The following UXS1 variants were observed in gnomAD, a reference collection of about 807,000 sequenced individuals.
UXS1 encodes UDP-glucuronic acid decarboxylase 1.
UXS1 carries 33 observed loss-of-function variants against 62.6 expected under a neutral mutation model. The ratio of observed to expected loss-of-function variants is 0.53; its 90% confidence interval spans 0.40 to 0.70. UXS1 has a LOEUF of 0.70. UXS1 is among the 30% of genes least tolerant of loss of function. The pLI, the probability that UXS1 is intolerant of heterozygous loss-of-function variation, is 0.00. For synonymous variants in UXS1, 213 were observed against 206.8 expected (o/e 1.03, Z -0.26); for missense variants, 434 against 556.3 (o/e 0.78, Z 2.21).
At chr2:106,177,672 G>A (rs569306357) in intron 1 of UXS1, among the ~76,000 whole-genome samples, 3 of 152,308 alleles carry the variant, frequency 2.0e-5, no homozygotes, top group East Asian at 1.9e-4. Flanking sequence ...AGGACACTGC[G>A]AGAAGGCGCC....
intron 12 of UXS1, among the ~76,000 whole-genome samples, chr2:106,100,101 G>T (rs1289033790): frequency 6.6e-6 from 1 of 152,210 alleles, no homozygotes; most frequent in East Asian, 1.9e-4. Flanking sequence ...TAATTTGGGA[G>T]AAGCACCTGA....
chr2:106,186,817 C>CA (rs1277811837), intron 1 of UXS1, among the ~76,000 whole-genome samples: 3 of 150,206 alleles, frequency 2.0e-5, no homozygotes, highest in Admixed American at 2.0e-4. Context: ...AACCCTGTCT[C>CA]AAAAAAACAG....
intron 7 of UXS1, among the ~76,000 whole-genome samples, chr2:106,128,437 T>G (rs552890314): frequency 1.3e-5 from 2 of 152,276 alleles, no homozygotes; most frequent in South Asian, 4.1e-4. Context: ...TGAAGGTGTT[T>G]CCGGAAGAGA....
chr2:106,096,975 G>GAAAACC, intron 13 of UXS1, 154 bp from the exon 14 acceptor site: 1 of 788,536 alleles, frequency 1.3e-6, no homozygotes. Context: ...GAGCTCCCGA[G>GAAAACC]GGACTGTTCT....
chr2:106,122,547 A>G (rs1316174991), intron 9 of UXS1, among the ~76,000 whole-genome samples: 1 of 152,256 alleles, frequency 6.6e-6, no homozygotes, highest in African/African-American at 2.4e-5. Flanking sequence ...AGAAAGCATG[A>G]AATAACAGTA....
chr2:106,150,093 A>G (rs1480223597), intron 5 of UXS1, among the ~76,000 whole-genome samples: 1 of 152,244 alleles, frequency 6.6e-6, no homozygotes, highest in East Asian at 1.9e-4. Flanking sequence ...CAAAATTTAC[A>G]AGCCATGAGC....
chr2:106,168,558 G>C (rs1451429703), intron 1 of UXS1, among the ~76,000 whole-genome samples: 1 of 152,110 alleles, frequency 6.6e-6, no homozygotes, highest in Non-Finnish European at 1.5e-5. Flanking sequence ...CCTCTCTTGG[G>C]GTCCGGATCG....
chr2:106,181,555 CTA>C (rs1441309176), intron 1 of UXS1, among the ~76,000 whole-genome samples: 1 of 151,984 alleles, frequency 6.6e-6, no homozygotes, highest in Admixed American at 6.6e-5. Flanking sequence ...CCTGTCTCAA[CTA>C]AAATACAAAA....
intron 6 of UXS1, among the ~76,000 whole-genome samples, chr2:106,144,725 G>T (rs555090794): frequency 6.6e-6 from 1 of 152,110 alleles, no homozygotes; most frequent in African/African-American, 2.4e-5. Context: ...GCATCTTCTC[G>T]CCACGTCCTC....
At chr2:106,173,068 C>A (rs893849114) in intron 1 of UXS1, among the ~76,000 whole-genome samples, 1 of 152,188 alleles carries the variant, frequency 6.6e-6, no homozygotes, top group Non-Finnish European at 1.5e-5. Context: ...AGCTAATATA[C>A]CTATTTATAT....
chr2:106,113,311 A>G (rs1678773719), intron 9 of UXS1, among the ~76,000 whole-genome samples: 1 of 152,214 alleles, frequency 6.6e-6, no homozygotes, highest in Non-Finnish European at 1.5e-5. Context: ...ACTAAAAAAC[A>G]TCTGTTTTAG....
intron 10 of UXS1, among the ~76,000 whole-genome samples, chr2:106,107,148 C>T (rs1436024895): frequency 1.3e-5 from 2 of 152,290 alleles, no homozygotes; most frequent in African/African-American, 2.4e-5. Context: ...TGTCTGCATC[C>T]GGGGCTCTGC....
At chr2:106,123,852 T>C (rs1462763374) in intron 8 of UXS1, among the ~76,000 whole-genome samples, 1 of 152,212 alleles carries the variant, frequency 6.6e-6, no homozygotes, top group Admixed American at 6.5e-5. Context: ...GTATAAGTCT[T>C]TGCCACGAAA....
chr2:106,112,630 C>T lies in UXS1; in HGVS notation c.879+16G>A, dbSNP rs759046915. 6.8e-6 allele frequency: 11 copies of T among 1,613,222 alleles called. No individual in the cohort carries two copies. Among genetic ancestry groups the T allele is most frequent in the East Asian group, 4.5e-5 (2 of 44,854 alleles). On this transcript the variant is annotated intron_variant, in intron 10 of 14. Coordinates refer to ENST00000283148, the MANE Select transcript of UXS1 (RefSeq NM_001253875.2). Reference sequence around the variant, plus strand: ...TTGGGTTGCAAGGTGCTCCCTGAGCCGAGGCCAGCACCTACCGTGAGTGGC... The same window carrying T: ...TTGGGTTGCAAGGTGCTCCCTGAGCTGAGGCCAGCACCTACCGTGAGTGGC...
At chr2:106,114,994 C>A (rs144278243) in intron 9 of UXS1, among the ~76,000 whole-genome samples, 1 of 152,266 alleles carries the variant, frequency 6.6e-6, no homozygotes, top group African/African-American at 2.4e-5. Context: ...ATCAGGGAAC[C>A]CTTGGCCTTC....
At chr2:106,162,117 G>A (rs1682936349) in intron 4 of UXS1, among the ~76,000 whole-genome samples, 1 of 152,072 alleles carries the variant, frequency 6.6e-6, no homozygotes, top group African/African-American at 2.4e-5. Flanking sequence ...AGTAATGCAG[G>A]CACGCGGATC....
intron 1 of UXS1, among the ~76,000 whole-genome samples, chr2:106,193,010 T>C (rs1685027743): frequency 1.3e-5 from 2 of 152,120 alleles, no homozygotes; most frequent in Admixed American, 1.3e-4. Flanking sequence ...TCTTCCTCCC[T>C]TGCAAAACTA....
intron 8 of UXS1, 27 bp downstream of exon 8, chr2:106,125,593 C>A: frequency 6.5e-7 from 1 of 1,545,720 alleles, no homozygotes; most frequent in Admixed American, 2.0e-5. Context: ...CTGGAGTGAA[C>A]ATCTCCTGAG....
rs775077829 is a variant in UXS1 at position 106,101,039 on chromosome 2, G to A, written c.984+19C>T. ...AAAGTCTGAGCTGTCCTGCAGAGTG[G>A]AGGGAGAGGAGCACTCACCAGGTTG... On this transcript the variant is annotated intron_variant, in intron 12 of 14. Transcript: ENST00000283148. The A allele has an allele frequency of 3.7e-6, 6 of 1,613,906 alleles. No individual in the cohort carries two copies. The highest frequency in any genetic ancestry group is 4.5e-5 in the East Asian group (2 of 44,876).
Sources: allele counts gnomAD v4.1 joint callset (sites outside exome capture counted in the v4.1 genomes callset), GRCh38; gene constraint gnomAD v4.1.1; transcripts MANE v1.5; gene names NCBI Gene and HGNC (gene_info 2026-07-23, HGNC 2026-07-21).